Variants in PDE4D observed in about 807,000 individuals in gnomAD.
The protein encoded by PDE4D is 3',5'-cyclic-AMP phosphodiesterase 4D.
In PDE4D, 24 loss-of-function variants were observed where a neutral mutation model predicts 87.4. The ratio of observed to expected loss-of-function variants is 0.27; its 90% CI spans 0.20 to 0.39. The LOEUF is 0.39. PDE4D is among the 10% of genes least tolerant of loss of function. The pLI is 1.00. For missense variants in PDE4D, 714 were observed against 1,041.0 expected, an observed-to-expected ratio of 0.69 and a Z score of 4.32; for synonymous variants, 384 against 383.2, an observed-to-expected ratio of 1.00 and a Z score of -0.02.
chr5:59,922,047 G>A (rs928832568), intron 3 of PDE4D, among the ~76,000 whole-genome samples: 2 of 152,158 alleles, frequency 1.3e-5, no homozygotes, highest in African/African-American at 2.4e-5. Flanking sequence ...TCGGGGGAGG[G>A]AGAGTGCAGC....
At chr5:60,256,700 T>G (rs1224723567) in intron 1 of PDE4D, among the ~76,000 whole-genome samples, 1 of 151,902 alleles carries the variant, frequency 6.6e-6, no homozygotes, top group African/African-American at 2.4e-5. Flanking sequence ...ATTTTGAATA[T>G]GTGAGCTGAC....
intron 2 of PDE4D, among the ~76,000 whole-genome samples, chr5:60,061,604 T>C (rs973448894): frequency 1.3e-5 from 2 of 151,904 alleles, no homozygotes; most frequent in Non-Finnish European, 2.9e-5. Flanking sequence ...TATGGAGCCA[T>C]AAAAGAGCCC....
At chr5:60,304,614 C>T (rs1042774855) in intron 1 of PDE4D, among the ~76,000 whole-genome samples, 2 of 139,508 alleles carry the variant, frequency 1.4e-5, no homozygotes, top group South Asian at 2.2e-4. Flanking sequence ...CACTGCAGTC[C>T]GCAGTCCGGC....
At chr5:60,201,514 T>C (rs541064137) in intron 1 of PDE4D, among the ~76,000 whole-genome samples, 1 of 152,292 alleles carries the variant, frequency 6.6e-6, no homozygotes, top group East Asian at 1.9e-4. Flanking sequence ...GCAGTTCCGA[T>C]CTGAATTATT....
intron 5 of PDE4D, among the ~76,000 whole-genome samples, chr5:59,136,452 T>C (rs1474240145): frequency 6.6e-6 from 1 of 152,208 alleles, no homozygotes. Flanking sequence ...GTGTTATTTG[T>C]ATTAATTGTA....
chr5:59,597,006 A>G (rs555429959), intron 1 of PDE4D, among the ~76,000 whole-genome samples: 1 of 152,144 alleles, frequency 6.6e-6, no homozygotes, highest in Non-Finnish European at 1.5e-5. Context: ...CGGTGATTGT[A>G]TGGCCCCAAA....
At chr5:59,885,696 T>TC (rs1484304960) in intron 1 of PDE4D, among the ~76,000 whole-genome samples, 1 of 151,652 alleles carries the variant, frequency 6.6e-6, no homozygotes, top group African/African-American at 2.4e-5. Context: ...GGGGGCTTTA[T>TC]CCCATCAGAG....
chr5:59,108,460 GTGTA>G (rs1217232823), intron 5 of PDE4D, among the ~76,000 whole-genome samples: 3 of 152,160 alleles, frequency 2.0e-5, no homozygotes, highest in Non-Finnish European at 2.9e-5. Flanking sequence ...GCACACATGT[GTGTA>G]TGTGTGTGCA....
intron 1 of PDE4D, among the ~76,000 whole-genome samples, chr5:59,282,202 T>A (rs1388970020): frequency 6.6e-6 from 1 of 152,132 alleles, no homozygotes; most frequent in Non-Finnish European, 1.5e-5. Context: ...TATATACCAA[T>A]CTCAAGGGAT....
At chr5:60,194,029 G>A (rs1740908455) in intron 1 of PDE4D, among the ~76,000 whole-genome samples, 1 of 151,294 alleles carries the variant, frequency 6.6e-6, no homozygotes, top group African/African-American at 2.4e-5. Context: ...CTCCCCTCAA[G>A]ATCTAAATAC....
At chr5:59,541,112 A>C (rs1476251578) in intron 1 of PDE4D, among the ~76,000 whole-genome samples, 1 of 152,124 alleles carries the variant, frequency 6.6e-6, no homozygotes, top group Non-Finnish European at 1.5e-5. Context: ...ACAAGATACT[A>C]CATCAGTTCC....
intron 5 of PDE4D, among the ~76,000 whole-genome samples, chr5:59,101,515 C>G (rs1770735125): frequency 6.6e-6 from 1 of 152,152 alleles, no homozygotes; most frequent in Admixed American, 6.5e-5. Flanking sequence ...AAACCCCTAG[C>G]AGGTTTTCCA....
intron 1 of PDE4D, among the ~76,000 whole-genome samples, chr5:59,242,850 A>G (rs746690841): frequency 7.2e-5 from 11 of 152,190 alleles, no homozygotes; most frequent in Non-Finnish European, 7.3e-5. Flanking sequence ...CCAGTGTCAG[A>G]GCATCAACAT....
At chr5:59,358,146 A>T (rs1781676782) in intron 1 of PDE4D, among the ~76,000 whole-genome samples, 1 of 152,232 alleles carries the variant, frequency 6.6e-6, no homozygotes, top group Non-Finnish European at 1.5e-5. Context: ...TCACAACAGC[A>T]TCCAGGACAC....
At chr5:59,979,151 T>C (rs1438657519) in intron 3 of PDE4D, among the ~76,000 whole-genome samples, 1 of 152,056 alleles carries the variant, frequency 6.6e-6, no homozygotes, top group Middle Eastern at 3.2e-3. Flanking sequence ...AAAGTTAGTC[T>C]GAATTAAATA....
At chr5:59,077,475 C>CTTCTTT (rs1554063108) in intron 5 of PDE4D, among the ~76,000 whole-genome samples, 2 of 130,976 alleles carry the variant, frequency 1.5e-5, no homozygotes, top group African/African-American at 2.8e-5. Flanking sequence ...TTTTTTTCTT[C>CTTCTTT]TTTTTTTTTT....
Position 59,498,665 on chromosome 5 carries a change from CA to C in PDE4D, c.456-282698del, listed in dbSNP as rs1302203936. Among the ~76,000 whole-genome samples, 17 of 151,816 alleles carry C rather than the reference CA, an allele frequency of 1.1e-4. No homozygotes were observed. The East Asian group carries it at 3.3e-3, about 29-fold the overall frequency. ...AGAAAAAATAGACATTAAACAACAA[CA>C]GTAAAAAAGGACCAAGAAAGGCATT... On this transcript the variant is annotated intron_variant, in intron 1 of 14. Coordinates refer to ENST00000340635, the MANE Select transcript of PDE4D (RefSeq NM_001104631.2).
At chr5:59,556,560 ATTTCAGGGTTCTG>A (rs1818955080) in intron 1 of PDE4D, among the ~76,000 whole-genome samples, 1 of 152,184 alleles carries the variant, frequency 6.6e-6, no homozygotes, top group African/African-American at 2.4e-5. Context: ...GGGAGAATAC[ATTTCAGGGTTCTG>A]TACGAGGAAA....
chr5:60,279,873 G>A (rs1404241582), intron 1 of PDE4D, among the ~76,000 whole-genome samples: 1 of 151,746 alleles, frequency 6.6e-6, no homozygotes, highest in African/African-American at 2.4e-5. Flanking sequence ...GTAGAGATGG[G>A]GTTTCACTAT....
Sources: gnomAD v4.1 joint callset for allele counts (sites outside exome capture counted in the v4.1 genomes callset) on GRCh38, gnomAD v4.1.1 for gene constraint, MANE v1.5 for transcripts, NCBI Gene and HGNC (gene_info 2026-07-23, HGNC 2026-07-21) for gene names.